The following KCNMA1 variants were observed in gnomAD, a reference collection of about 807,000 sequenced individuals.
The protein encoded by KCNMA1 is potassium calcium-activated channel subfamily M alpha 1.
Under a neutral mutation model 140.0 loss-of-function variants are expected in KCNMA1, and 29 were observed. The observed-to-expected ratio is 0.21, with a 90% confidence interval of 0.15 to 0.28. The LOEUF (loss-of-function observed/expected upper bound fraction) is 0.28. Among genes scored for constraint, KCNMA1 ranks in the 10% least tolerant of loss-of-function variants. KCNMA1 has a pLI of 1.00. For synonymous variants in KCNMA1, 612 were observed against 611.9 expected (o/e 1.00, Z 0.00); for missense variants, 880 against 1,602.2 (o/e 0.55, Z 7.70).
chr10:77,169,982 G>C (rs1476539841), intron 5 of KCNMA1, among the ~76,000 whole-genome samples: 1 of 152,136 alleles, frequency 6.6e-6, no homozygotes, highest in Non-Finnish European at 1.5e-5. Flanking sequence ...CTTGAGGTCA[G>C]GTGTTCAAGA....
chr10:76,881,058 G>A (rs998300171), downstream of KCNMA1, among the ~76,000 whole-genome samples: 8 of 139,108 alleles, frequency 5.8e-5, no homozygotes, highest in Middle Eastern at 3.6e-3. Context: ...GAGGGGGCTA[G>A]TGGGACAAGA....
chr10:77,040,993 TG>T (rs2094636771), intron 14 of KCNMA1, among the ~76,000 whole-genome samples: 2 of 152,210 alleles, frequency 1.3e-5, no homozygotes, highest in Non-Finnish European at 2.9e-5. Context: ...TCTTCTTTTT[TG>T]TTTTTTTGAG....
intron 1 of KCNMA1, among the ~76,000 whole-genome samples, chr10:77,468,007 A>T (rs115433060): frequency 7.0e-4 from 107 of 152,074 alleles, no homozygotes; most frequent in African/African-American, 2.6e-3. Context: ...TTTTATTTTT[A>T]TTTATTTTTA....
intron 1 of KCNMA1, among the ~76,000 whole-genome samples, chr10:77,610,284 A>AC (rs1011283692): frequency 6.6e-6 from 1 of 152,000 alleles, no homozygotes; most frequent in Non-Finnish European, 1.5e-5. Context: ...GATTATCTGC[A>AC]CCCCCCACCA....
chr10:77,026,303 A>G (rs762856694), intron 16 of KCNMA1, among the ~76,000 whole-genome samples: 2 of 152,230 alleles, frequency 1.3e-5, no homozygotes, highest in Non-Finnish European at 2.9e-5. Flanking sequence ...CAGCATCAGC[A>G]TCACCCACAT....
At position 77,552,244 on chromosome 10, in the gene KCNMA1, C is replaced by T. The variant is rs540252727; in HGVS notation, c.378+85021G>A. Among the ~76,000 whole-genome samples the T allele has an allele frequency of 2.0e-5, 3 of 152,260 alleles. No individual in the cohort carries two copies. The South Asian group carries it at 6.2e-4, about 32-fold the overall frequency. ...GGCTGCCTGACTGACTTATCCTCTA[C>T]TTTGGGAAAAGGCAACTCAGTGCCT... On this transcript the variant is annotated intron_variant, in intron 1 of 27. Coordinates refer to ENST00000286628, the MANE Select transcript of KCNMA1 (RefSeq NM_001161352.2).
In KCNMA1 at chr10:77,623,826, A is replaced by G. The variant is rs571439886; in HGVS notation, c.378+13439T>C. On this transcript the variant is annotated intron_variant, in intron 1 of 27. Transcript: ENST00000286628. Reference sequence around the variant, plus strand: ...TTTTGCCTGGATTGCAGCAAGTCCTACACAATTACCAACACCCCAAAGCTA... The same window carrying G: ...TTTTGCCTGGATTGCAGCAAGTCCTGCACAATTACCAACACCCCAAAGCTA... 5.1e-4 allele frequency among the ~76,000 whole-genome samples: 77 copies of G among 152,330 alleles called. No homozygotes were observed. The Middle Eastern group carries it at 0.01, about 20-fold the overall frequency.
intron 19 of KCNMA1, among the ~76,000 whole-genome samples, chr10:76,981,528 G>T (rs1189358941): frequency 6.6e-6 from 1 of 152,078 alleles, no homozygotes. Context: ...CTGCTGGGAG[G>T]TCATGGGATT....
chr10:77,367,387 G>A (rs1000484572), intron 2 of KCNMA1, among the ~76,000 whole-genome samples: 4 of 152,192 alleles, frequency 2.6e-5, no homozygotes, highest in African/African-American at 9.7e-5. Context: ...GCGTAGGAAT[G>A]AAATGAGCTG....
intron 14 of KCNMA1, among the ~76,000 whole-genome samples, chr10:77,052,392 A>G (rs2095402237): frequency 6.6e-6 from 1 of 152,184 alleles, no homozygotes; most frequent in South Asian, 2.1e-4. Flanking sequence ...CACCATTAAC[A>G]TGATGCAGGA....
intron 2 of KCNMA1, among the ~76,000 whole-genome samples, chr10:77,330,284 T>G (rs1276024609): frequency 1.3e-5 from 2 of 152,126 alleles, no homozygotes; most frequent in Admixed American, 6.5e-5. Flanking sequence ...TCAGTCCACA[T>G]CACAACAGAG....
At chr10:76,981,034 C>A (rs1381444925) in intron 19 of KCNMA1, among the ~76,000 whole-genome samples, 1 of 152,180 alleles carries the variant, frequency 6.6e-6, no homozygotes, top group East Asian at 1.9e-4. Context: ...TCCTGGTGAG[C>A]TCTTTCTAAA....
At chr10:77,111,314 T>C (rs539027870) in intron 7 of KCNMA1, among the ~76,000 whole-genome samples, 315 of 152,306 alleles carry the variant, frequency 2.1e-3, no homozygotes, top group Non-Finnish European at 3.6e-3. Context: ...CTCTGCAAAA[T>C]GTTTCCAGGG....
At chr10:77,112,339 G>A (rs368552997) in intron 7 of KCNMA1, 28 bp downstream of exon 7, 26 of 1,551,148 alleles carry the variant, frequency 1.7e-5, no homozygotes, top group South Asian at 4.5e-5. Context: ...AGGCAAGCGA[G>A]AGCAGAAGGG....
intron 1 of KCNMA1, among the ~76,000 whole-genome samples, chr10:77,616,182 G>A (rs2089422726): frequency 6.6e-6 from 1 of 152,186 alleles, no homozygotes; most frequent in Non-Finnish European, 1.5e-5. Context: ...TGGATGCAAA[G>A]ATGGAAGGCA....
chr10:77,534,521 G>A (rs1000929402), intron 1 of KCNMA1, among the ~76,000 whole-genome samples: 7 of 152,108 alleles, frequency 4.6e-5, no homozygotes, highest in South Asian at 2.1e-4. Flanking sequence ...TTATTATAGC[G>A]AAGCATAAAC....
At chr10:77,308,929 G>A (rs753158151) in intron 2 of KCNMA1, among the ~76,000 whole-genome samples, 1 of 152,118 alleles carries the variant, frequency 6.6e-6, no homozygotes, top group East Asian at 1.9e-4. Flanking sequence ...AGCTAAAATG[G>A]CCGCCAAGTC....
intron 13 of KCNMA1, among the ~76,000 whole-genome samples, chr10:77,074,961 AT>A (rs1316858831): frequency 6.6e-6 from 1 of 152,262 alleles, no homozygotes; most frequent in African/African-American, 2.4e-5. Context: ...GGAAGACTCC[AT>A]TGTGAAAACA....
chr10:76,922,493 C>A (rs1047298177), intron 23 of KCNMA1, among the ~76,000 whole-genome samples: 1 of 152,150 alleles, frequency 6.6e-6, no homozygotes, highest in Non-Finnish European at 1.5e-5. Flanking sequence ...CCTGCATAAT[C>A]CTGGCCACAT....
Sources: gnomAD v4.1 joint callset for allele counts (sites outside exome capture counted in the v4.1 genomes callset) on GRCh38, gnomAD v4.1.1 for gene constraint, MANE v1.5 for transcripts, NCBI Gene and HGNC (gene_info 2026-07-23, HGNC 2026-07-21) for gene names.